Variants in KIFC1 observed in about 807,000 individuals in gnomAD.
KIFC1 encodes the protein kinesin family member C1.
In KIFC1, 37 loss-of-function variants were observed where a neutral mutation model predicts 66.6. The ratio of observed to expected loss-of-function variants is 0.56; its 90% CI spans 0.43 to 0.73. The LOEUF (loss-of-function observed/expected upper bound fraction) is 0.73, where lower values mean the gene tolerates loss of function less well. KIFC1 is among the 30% of genes least tolerant of loss of function. KIFC1 has a pLI of 0.00. For synonymous variants in KIFC1, 325 were observed against 343.5 expected, an observed-to-expected ratio of 0.95 and a Z score of 0.60; for missense variants, 721 against 859.8, an observed-to-expected ratio of 0.84 and a Z score of 2.02.
upstream of KIFC1, chr6:33,391,729 G>T (rs1327261598): frequency 5.0e-6 from 3 of 603,812 alleles, no homozygotes; most frequent in African/African-American, 3.7e-5. Context: ...TGTGGCTTCG[G>T]GTGGCGGAGA....
intron 10 of KIFC1, among the ~76,000 whole-genome samples, chr6:33,407,757 A>G (rs1775727545): frequency 6.6e-6 from 1 of 152,230 alleles, no homozygotes. Context: ...ATGAATTCTC[A>G]CTAATGAGAA....
Position 33,406,400 on chromosome 6 carries a change from G to A in KIFC1, c.1741G>A (p.Gly581Arg), listed in dbSNP as rs144841261. 50 of 1,610,552 alleles carry A rather than the reference G, an allele frequency of 3.1e-5. No individual in the cohort carries two copies. The highest frequency in any genetic ancestry group is 1.9e-4 in the South Asian group (17 of 90,928). ...TGACCCCGGCTTAGCCCTCGGCCCCGGGGAGCGGGAACGCCTTCGGGAAAC... is the reference window on the plus strand; with the variant it reads ...TGACCCCGGCTTAGCCCTCGGCCCCAGGGAGCGGGAACGCCTTCGGGAAAC... ...RLDPGLALGP[G>R]ERERLRETQA... Residue 581 changes from glycine to arginine, a missense_variant, in exon 8 of 11, where the codon GGG becomes AGG. Physicochemically the swap from Gly to Arg is moderately radical, Grantham distance 125. Transcript: ENST00000428849. The surrounding 1 kb of genome is among the most constrained non-coding windows in gnomAD (Gnocchi z 4.5).
At chr6:33,395,232 A>G (rs768911349) in intron 1 of KIFC1, among the ~76,000 whole-genome samples, 84 of 152,342 alleles carry the variant, frequency 5.5e-4, no homozygotes, top group Non-Finnish European at 1.1e-3. Context: ...CGGCAAGGAA[A>G]AAGGATAGTA....
intron 1 of KIFC1, among the ~76,000 whole-genome samples, chr6:33,397,559 G>A (rs998658453): frequency 1.3e-5 from 2 of 152,166 alleles, no homozygotes; most frequent in African/African-American, 4.8e-5. Flanking sequence ...GCCTCCCAAA[G>A]TGCTGGGATT....
chr6:33,396,661 C>G (rs1364363550), intron 1 of KIFC1, among the ~76,000 whole-genome samples: 1 of 151,092 alleles, frequency 6.6e-6, no homozygotes, highest in Admixed American at 6.6e-5. Context: ...CCCCTTTCAA[C>G]TAGGTTCCAT....
Position 33,405,720 on chromosome 6 carries a change from A to T in KIFC1, c.1536+89A>T. ...AGGTAGAGGGAGAAAGGAGCAAGAG[A>T]GAATTGAAGGATGAAGTGCAAGTTA... On this transcript the variant is annotated intron_variant, in intron 7 of 10. Transcript: ENST00000428849. The surrounding 1 kb of genome is among the most constrained non-coding windows in gnomAD (Gnocchi z 5.4). 1 of 1,299,032 alleles carries T rather than the reference A, an allele frequency of 7.7e-7. No homozygotes were observed. Among genetic ancestry groups the T allele is most frequent in the Non-Finnish European group, 1.0e-6 (1 of 986,248 alleles). 80.5% of individuals were successfully genotyped at this position (1,299,032 alleles called of 1,614,324 possible). A position where few individuals can be genotyped will look rare whatever the true frequency, so the allele number is the denominator to read the frequency against.
In KIFC1 at chr6:33,406,752, G is replaced by T. The variant is rs1316996716; in HGVS notation, c.1902-48G>T. ...AGGGGAACAGTGGAGACCTGTCCAG[G>T]CTCTGCTGGCCCCTAATGCTGGGGT... On this transcript the variant is annotated intron_variant, in intron 9 of 10. Coordinates refer to ENST00000428849, the MANE Select transcript of KIFC1 (RefSeq NM_002263.4). This position sits in a 1 kb window ranked among gnomAD's most constrained non-coding sequence, Gnocchi z 4.5. 1 of 1,612,042 alleles carries T rather than the reference G, an allele frequency of 6.2e-7. No individual in the cohort carries two copies. The highest frequency in any genetic ancestry group is 8.5e-7 in the Non-Finnish European group (1 of 1,178,218).
At chr6:33,392,653 C>T (rs946788203) in intron 1 of KIFC1, among the ~76,000 whole-genome samples, 2 of 148,646 alleles carry the variant, frequency 1.3e-5, no homozygotes, top group African/African-American at 5.0e-5. Context: ...TGTGTGACAG[C>T]TGGAGTGTAC....
intron 1 of KIFC1, among the ~76,000 whole-genome samples, chr6:33,397,375 G>A (rs1036092011): frequency 4.4e-5 from 6 of 137,808 alleles, no homozygotes; most frequent in South Asian, 2.4e-4. Flanking sequence ...TCGGCTCACC[G>A]CAACCTCTGC....
At chr6:33,408,002 G>C (rs1775736446) in intron 10 of KIFC1, among the ~76,000 whole-genome samples, 1 of 152,208 alleles carries the variant, frequency 6.6e-6, no homozygotes, top group Non-Finnish European at 1.5e-5. Flanking sequence ...CCCTGATCTG[G>C]TATTCTACTT....
Position 33,391,959 on chromosome 6 carries a change from C to G in KIFC1, c.-27C>G, listed in dbSNP as rs45521935. Reference sequence around the variant, plus strand: ...ACCCAGTTCTCTTCCACTGCATTCCCCCGGCGCGTGTGGGACCGAGGTGGA... The same window carrying G: ...ACCCAGTTCTCTTCCACTGCATTCCGCCGGCGCGTGTGGGACCGAGGTGGA... On this transcript the variant is annotated 5_prime_UTR_variant, in exon 1 of 11. Transcript: ENST00000428849. The G allele has an allele frequency of 9.9e-3, 15,958 of 1,613,872 alleles. 109 individuals are homozygous for G. The highest frequency in any genetic ancestry group is 0.015 in the Middle Eastern group (93 of 6,060).
chr6:33,403,765 C>T lies in KIFC1; in HGVS notation c.392C>T (p.Pro131Leu). The T allele has an allele frequency of 1.9e-6, 3 of 1,613,752 alleles. No individual in the cohort carries two copies. Among genetic ancestry groups the T allele is most frequent in the Non-Finnish European group, 2.5e-6 (3 of 1,179,804 alleles). Residue 131 changes from proline (P) to leucine (L), a missense_variant, in exon 6 of 11, where the codon CCC becomes CTC. Transcript: ENST00000428849. This position sits in a 1 kb window ranked among gnomAD's most constrained non-coding sequence, Gnocchi z 4.6. ...GVPPMAGGKK[P>L]SKRPAWDLKG... ...CCTCCCATGGCAGGAGGGAAGAAAC[C>T]CAGCAAACGTCCAGCCTGGGACTTA...
At position 33,403,612 on chromosome 6, in the gene KIFC1, T is replaced by C. The variant is rs1423259022; in HGVS notation, c.355+77T>C. On this transcript the variant is annotated intron_variant, in intron 5 of 10. Coordinates refer to ENST00000428849, the MANE Select transcript of KIFC1 (RefSeq NM_002263.4). This position sits in a 1 kb window ranked among gnomAD's most constrained non-coding sequence, Gnocchi z 4.6. Reference sequence around the variant, plus strand: ...ATGGTGAGTGACCAGAAAAATCCATTTGGTCTCTAAGGGGAAGGAGATGTA... The same window carrying C: ...ATGGTGAGTGACCAGAAAAATCCATCTGGTCTCTAAGGGGAAGGAGATGTA... 3.3e-5 allele frequency: 52 copies of C among 1,580,300 alleles called. No individual in the cohort carries two copies. In the East Asian group the frequency reaches 9.4e-4, roughly 29 times the overall value.
intron 1 of KIFC1, among the ~76,000 whole-genome samples, chr6:33,393,647 G>T (rs1337923575): frequency 6.7e-6 from 1 of 150,204 alleles, no homozygotes; most frequent in African/African-American, 2.5e-5. Context: ...TTGCCATGTT[G>T]CCCAGGCTGG....
In KIFC1 at chr6:33,398,174, G is replaced by A; in HGVS notation, c.150+8G>A. On this transcript the variant is annotated splice_region_variant and intron_variant, in intron 2 of 10. Coordinates refer to ENST00000428849, the MANE Select transcript of KIFC1 (RefSeq NM_002263.4). ...GGCCTGGAGCCTGAGAAGGTGAGCTGGGCATGGAGAGCTGTGCATGTGTGT... is the reference window on the plus strand; with the variant it reads ...GGCCTGGAGCCTGAGAAGGTGAGCTAGGCATGGAGAGCTGTGCATGTGTGT... 1 of 1,614,164 alleles carries A rather than the reference G, an allele frequency of 6.2e-7. No individual in the cohort carries two copies. The highest frequency in any genetic ancestry group is 8.5e-7 in the Non-Finnish European group (1 of 1,180,022).
intron 1 of KIFC1, among the ~76,000 whole-genome samples, chr6:33,392,796 T>G (rs144060341): frequency 5.1e-4 from 78 of 152,306 alleles, no homozygotes; most frequent in South Asian, 1.0e-3. Flanking sequence ...CAGAGTAGTA[T>G]TATGTGACAG....
rs578076258 is a variant in KIFC1 at position 33,403,442 on chromosome 6, A to T, written c.305-43A>T. ...AAGGGAGAATGATGGAGGTGGAGGGACACTGGTCCTGTAATTCCTAAGTCA... is the reference window on the plus strand; with the variant it reads ...AAGGGAGAATGATGGAGGTGGAGGGTCACTGGTCCTGTAATTCCTAAGTCA... On this transcript the variant is annotated intron_variant, in intron 4 of 10. Coordinates refer to ENST00000428849, the MANE Select transcript of KIFC1 (RefSeq NM_002263.4). The surrounding 1 kb of genome is among the most constrained non-coding windows in gnomAD (Gnocchi z 4.6). 49 of 1,610,222 alleles carry T rather than the reference A, an allele frequency of 3.0e-5. No individual in the cohort carries two copies. The highest frequency in any genetic ancestry group is 4.0e-5 in the African/African-American group (3 of 74,808).
Position 33,405,217 on chromosome 6 carries a change from T to A in KIFC1, c.1122T>A (p.Phe374Leu), listed in dbSNP as rs753210304. 6.2e-7 allele frequency: 1 copy of A among 1,614,184 alleles called. No homozygotes were observed. Among genetic ancestry groups the A allele is most frequent in the East Asian group, 2.2e-5 (1 of 44,878 alleles). Residue 374 changes from phenylalanine to leucine, a missense_variant, in exon 7 of 11, where the codon TTT (phenylalanine) becomes TTA (leucine). By Grantham distance (22) the Phe-to-Leu change is conservative. Transcript: ENST00000428849. This position sits in a 1 kb window ranked among gnomAD's most constrained non-coding sequence, Gnocchi z 5.4. ...CCCCAACTCGCCATGATTTTTCCTTTGACCGGGTATTCCCACCAGGAAGTG... is the reference window on the plus strand; with the variant it reads ...CCCCAACTCGCCATGATTTTTCCTTAGACCGGGTATTCCCACCAGGAAGTG... ...PAPPTRHDFS[F>L]DRVFPPGSGQ...
At position 33,406,217 on chromosome 6, in the gene KIFC1, GC is replaced by G; in HGVS notation, c.1561del (p.Arg521AlafsTer56). 1 of 1,607,990 alleles carries G rather than the reference GC, an allele frequency of 6.2e-7. No homozygotes were observed. The highest frequency in any genetic ancestry group is 8.5e-7 in the Non-Finnish European group (1 of 1,175,658). ...EKEVDALLHL[A>X]RQNRAVARTA... Reference sequence around the variant, plus strand: ...CCAGGTGGACGCCCTGCTTCATCTGGCCCGCCAGAATCGGGCTGTGGCCCGC... The same window carrying G: ...CCAGGTGGACGCCCTGCTTCATCTGGCCGCCAGAATCGGGCTGTGGCCCGC... On this transcript the variant is annotated frameshift_variant, in exon 8 of 11. Coordinates refer to ENST00000428849, the MANE Select transcript of KIFC1 (RefSeq NM_002263.4). LOFTEE classifies it high-confidence loss of function. The surrounding 1 kb of genome is among the most constrained non-coding windows in gnomAD (Gnocchi z 4.5).
Sources: gnomAD v4.1 joint callset for allele counts (sites outside exome capture counted in the v4.1 genomes callset) on GRCh38, gnomAD v4.1.1 for gene constraint, Gnocchi (gnomAD v3.1) non-coding constraint, MANE v1.5 for transcripts, NCBI Gene and HGNC (gene_info 2026-07-23, HGNC 2026-07-21) for gene names.